Variants in FBN2 observed in about 807,000 individuals in gnomAD.
The protein encoded by FBN2 is fibrillin 2.
A neutral mutation model predicts 355.6 loss-of-function variants in FBN2; 105 were observed. The ratio of observed to expected loss-of-function variants is 0.30; its 90% CI spans 0.25 to 0.35. The LOEUF (loss-of-function observed/expected upper bound fraction) is 0.35. FBN2 is among the 10% of genes least tolerant of loss of function. The probability of loss-of-function intolerance (pLI) is 1.00; values close to 1 mark genes in which losing one functional copy is unlikely to be tolerated. For synonymous variants in FBN2, 1,350 were observed against 1,301.2 expected, an observed-to-expected ratio of 1.04 and a Z score of -0.81; for missense variants, 3,280 against 3,758.7, an observed-to-expected ratio of 0.87 and a Z score of 3.33.
At chr5:128,492,896 T>C (rs975253534) in intron 5 of FBN2, among the ~76,000 whole-genome samples, 3 of 150,294 alleles carry the variant, frequency 2.0e-5, no homozygotes, top group African/African-American at 7.3e-5. Flanking sequence ...TTATTTTGAA[T>C]TAAAATTAAA....
At chr5:128,511,362 T>C (rs966988255) in intron 5 of FBN2, among the ~76,000 whole-genome samples, 1 of 152,156 alleles carries the variant, frequency 6.6e-6, no homozygotes, top group Non-Finnish European at 1.5e-5. Flanking sequence ...TAAATTAAGG[T>C]CTGTGTCTAT....
chr5:128,517,630 A>C (rs570101020), intron 5 of FBN2, among the ~76,000 whole-genome samples: 4 of 152,180 alleles, frequency 2.6e-5, no homozygotes, highest in Admixed American at 2.0e-4. Context: ...TATGTGAAAA[A>C]GATTTTACTT....
chr5:128,295,480 C>T (rs1214957582), intron 48 of FBN2, among the ~76,000 whole-genome samples: 1 of 149,766 alleles, frequency 6.7e-6, no homozygotes, highest in Non-Finnish European at 1.5e-5. Context: ...ATGGAATGTT[C>T]TTCCACTTGT....
chr5:128,457,042 C>T (rs1754413514), intron 6 of FBN2, among the ~76,000 whole-genome samples: 1 of 152,060 alleles, frequency 6.6e-6, no homozygotes, highest in South Asian at 2.1e-4. Context: ...TGCAAAGAAG[C>T]TAAGAACTTT....
intron 39 of FBN2, 72 bp from the exon 40 acceptor site, chr5:128,310,180 G>T: frequency 7.6e-7 from 1 of 1,311,504 alleles, no homozygotes; most frequent in South Asian, 1.2e-5. Context: ...TTAGATGACT[G>T]AACAAAGCAT....
At chr5:128,479,976 CTATATATATATATA>C (rs200921131) in intron 5 of FBN2, among the ~76,000 whole-genome samples, 1,147 of 28,708 alleles carry the variant, frequency 0.04, 7 homozygotes, top group Middle Eastern at 0.11. Context: ...CTCTCTCTCT[CTATATATATATATA>C]TATATATATA....
intron 48 of FBN2, among the ~76,000 whole-genome samples, chr5:128,298,630 A>C (rs1322265315): frequency 1.7e-4 from 26 of 152,092 alleles, no homozygotes; most frequent in Admixed American, 1.7e-3. Flanking sequence ...TGATCGCGTC[A>C]GCTCCTGAGG....
intron 19 of FBN2, among the ~76,000 whole-genome samples, chr5:128,358,918 C>G (rs1751569713): frequency 6.6e-6 from 1 of 151,950 alleles, no homozygotes; most frequent in Admixed American, 6.6e-5. Flanking sequence ...CAAATATCAA[C>G]TATTTAGTTT....
chr5:128,305,123 T>C, intron 44 of FBN2, 41 bp from the exon 45 acceptor site: 2 of 1,477,952 alleles, frequency 1.4e-6, no homozygotes, highest in Non-Finnish European at 9.3e-7. Flanking sequence ...ATCTGATTTT[T>C]ATTAAGATTT....
chr5:128,338,527 C>T (rs1307039957), intron 26 of FBN2, among the ~76,000 whole-genome samples: 1 of 152,096 alleles, frequency 6.6e-6, no homozygotes, highest in African/African-American at 2.4e-5. Flanking sequence ...GAAAATTAAA[C>T]AGTGGGCTAA....
In FBN2 at chr5:128,513,472, T is replaced by C. The variant is rs919615590; in HGVS notation, c.628+5801A>G. Among the ~76,000 whole-genome samples, 3 of 152,336 alleles carry C rather than the reference T, an allele frequency of 2.0e-5. No homozygotes were observed. The South Asian group carries it at 6.2e-4, about 32-fold the overall frequency. ...ATATAAAATATTCTAGCCTTTGTAT[T>C]TTATATTGCAGGTTTCCCTGCCTGT... On this transcript the variant is annotated intron_variant, in intron 5 of 64. Coordinates refer to ENST00000262464, the MANE Select transcript of FBN2 (RefSeq NM_001999.4).
intron 26 of FBN2, 144 bp from the exon 27 acceptor site, chr5:128,338,266 C>T (rs1364908343): frequency 7.1e-6 from 6 of 841,512 alleles, no homozygotes; most frequent in Non-Finnish European, 1.2e-5. Flanking sequence ...ATAACGCTTT[C>T]CTCACTTTTC....
intron 7 of FBN2, among the ~76,000 whole-genome samples, chr5:128,438,687 A>C (rs17164124): frequency 0.024 from 3,723 of 152,290 alleles, 132 homozygotes; most frequent in African/African-American, 0.086. Flanking sequence ...CTTTGTATAC[A>C]TTGTTCCGGG....
In FBN2 at chr5:128,309,247, C is replaced by T; in HGVS notation, c.5353G>A (p.Ala1785Thr). 1 of 1,614,084 alleles carries T rather than the reference C, an allele frequency of 6.2e-7. No homozygotes were observed. The highest frequency in any genetic ancestry group is 8.5e-7 in the Non-Finnish European group (1 of 1,179,932). The change falls in exon 41 of 65, where the codon GCT becomes ACT. Residue 1785 changes from alanine (A) to threonine (T), a missense_variant and splice_region_variant. This residue lies in a region of FBN2 where 2,284 missense variants were observed against 2,749.5 expected (regional missense o/e 0.83). Transcript: ENST00000262464. ...GCAGATGCACGAGCCGTGTGCTTAC[C>T]TGTTCCTGGAGTTGGGCATGGTTCA... The part of the protein sequence containing the change: ...PCEPCPTPGT[A>T]DFKTICGNIP...
chr5:128,503,014 C>A (rs1755858375), intron 5 of FBN2, among the ~76,000 whole-genome samples: 1 of 152,166 alleles, frequency 6.6e-6, no homozygotes, highest in Admixed American at 6.5e-5. Context: ...ATTCCCCACC[C>A]AAATCTCACC....
At chr5:128,282,635 T>C (rs984165770) in intron 55 of FBN2, among the ~76,000 whole-genome samples, 3 of 152,172 alleles carry the variant, frequency 2.0e-5, no homozygotes, top group Admixed American at 6.5e-5. Context: ...TGAGAAGAGG[T>C]TGAAAAAAAG....
chr5:128,273,739 T>G, intron 61 of FBN2, 101 bp downstream of exon 61: 2 of 1,230,840 alleles, frequency 1.6e-6, no homozygotes, highest in Non-Finnish European at 2.4e-6. Flanking sequence ...TGTTCAATAC[T>G]TTTTTTTCTT....
chr5:128,530,819 C>CT (rs1301927594), intron 2 of FBN2, 126 bp from the exon 3 acceptor site: 1 of 684,246 alleles, frequency 1.5e-6, no homozygotes, highest in African/African-American at 1.8e-5. Flanking sequence ...ATATAAATGT[C>CT]TAACTTCAGA....
chr5:128,433,073 T>C (rs1337248543), intron 7 of FBN2, among the ~76,000 whole-genome samples: 5 of 151,996 alleles, frequency 3.3e-5, no homozygotes, highest in African/African-American at 9.7e-5. Context: ...TCCTTCAACA[T>C]GTGGAGATTA....
Sources: allele counts gnomAD v4.1 joint callset (sites outside exome capture counted in the v4.1 genomes callset), GRCh38; gene constraint gnomAD v4.1.1; regional missense constraint gnomAD v4.1.1; transcripts MANE v1.5; gene names NCBI Gene and HGNC (gene_info 2026-07-23, HGNC 2026-07-21).